The following CAPN3 variants were observed in gnomAD, a reference collection of about 807,000 sequenced individuals.
The protein encoded by CAPN3 is calpain-3.
CAPN3 carries 88 observed loss-of-function variants against 114.0 expected under a neutral mutation model. The ratio of observed to expected loss-of-function variants is 0.77; its 90% CI spans 0.65 to 0.92. The LOEUF (loss-of-function observed/expected upper bound fraction) is 0.92. Ranked by LOEUF, CAPN3 falls within the 40% of genes least tolerant of loss-of-function variation. The pLI, the probability that CAPN3 is intolerant of heterozygous loss-of-function variation, is 0.00. For missense variants in CAPN3, 1,028 were observed against 1,069.0 expected, an observed-to-expected ratio of 0.96 and a Z score of 0.53; for synonymous variants, 386 against 382.9, an observed-to-expected ratio of 1.01 and a Z score of -0.09.
chr15:42,401,997 G>A (rs1421812983), intron 11 of CAPN3, 127 bp from the exon 12 acceptor site: 12 of 1,364,046 alleles, frequency 8.8e-6, no homozygotes, highest in South Asian at 5.8e-5. Flanking sequence ...GCAGTGGAGC[G>A]GGCCTGGCAG....
At position 42,404,036 on chromosome 15, in the gene CAPN3, C is replaced by G. The variant is rs1436036348; in HGVS notation, c.1782+259C>G. On this transcript the variant is annotated intron_variant, in intron 14 of 23. Transcript: ENST00000397163. ...TCCTGGAAAGGAGAAGCAATTTGAA[C>G]AATCGGAGGGAACAAGGCCACAGGA... 1.2e-5 allele frequency: 7 copies of G among 589,408 alleles called. No individual in the cohort carries two copies. In the Admixed American group the frequency reaches 1.5e-4, roughly 13 times the overall value. 36.5% of individuals were successfully genotyped at this position (589,408 alleles called of 1,614,324 possible).
At chr15:42,378,712 T>C (rs2053157897) in intron 1 of CAPN3, among the ~76,000 whole-genome samples, 1 of 152,108 alleles carries the variant, frequency 6.6e-6, no homozygotes, top group Non-Finnish European at 1.5e-5. Context: ...TCTTCTATAG[T>C]GTACTAAGAT....
intron 1 of CAPN3, among the ~76,000 whole-genome samples, chr15:42,367,402 C>T (rs972863885): frequency 8.5e-5 from 13 of 152,200 alleles, no homozygotes; most frequent in African/African-American, 2.7e-4. Context: ...TCAGCTAACA[C>T]TGGGTGGCAT....
In CAPN3 at chr15:42,409,996, G is replaced by A. The variant is rs766917640; in HGVS notation, c.2115+1G>A. On this transcript the variant is annotated splice_donor_variant, in intron 19 of 23. Coordinates refer to ENST00000397163, the MANE Select transcript of CAPN3 (RefSeq NM_000070.3). LOFTEE classifies it high-confidence loss of function. The stretch of plus-strand genomic sequence containing the variant: ...CCGTAGCATGATTGCGCTCATGGAT[G>A]TATCCTTCCTGCCGCCCCTTCCCGA... 11 of 1,611,742 alleles carry A rather than the reference G, an allele frequency of 6.8e-6. No homozygotes were observed. The highest frequency in any genetic ancestry group is 1.7e-5 in the Admixed American group (1 of 60,012).
intron 1 of CAPN3, among the ~76,000 whole-genome samples, chr15:42,371,133 C>T (rs1049224426): frequency 2.0e-5 from 3 of 152,002 alleles, no homozygotes; most frequent in African/African-American, 7.3e-5. Flanking sequence ...AAAGACAAAA[C>T]GAGGTACCCA....
intron 12 of CAPN3, 53 bp from the exon 13 acceptor site, chr15:42,402,741 C>T (rs752334801): frequency 1.3e-6 from 2 of 1,590,426 alleles, no homozygotes; most frequent in Middle Eastern, 1.7e-4. Context: ...TGTGGCAGGA[C>T]AGGATGTTCC....
At chr15:42,403,893 T>A in intron 14 of CAPN3, 116 bp downstream of exon 14, 1 of 956,664 alleles carries the variant, frequency 1.0e-6, no homozygotes, top group Non-Finnish European at 1.7e-6. Flanking sequence ...GAGTCTGGGC[T>A]GTGCTGAGCA....
intron 1 of CAPN3, among the ~76,000 whole-genome samples, chr15:42,381,647 C>G (rs1276415725): frequency 6.6e-6 from 1 of 152,176 alleles, no homozygotes; most frequent in Non-Finnish European, 1.5e-5. Context: ...TCAAGCAATT[C>G]TCCTGCCTCA....
chr15:42,405,893 A>G, intron 14 of CAPN3, 33 bp from the exon 15 acceptor site: 1 of 1,593,510 alleles, frequency 6.3e-7, no homozygotes, highest in Non-Finnish European at 8.6e-7. Context: ...CTTTTCACTT[A>G]TTCTGCATTT....
In CAPN3 at chr15:42,402,858, G is replaced by A. The variant is rs1253648259; in HGVS notation, c.1601G>A (p.Ser534Asn). Residue 534 changes from serine (S) to asparagine (N), a missense_variant, in exon 13 of 24, where the codon AGC becomes AAC. By Grantham distance (46) the Ser-to-Asn change is conservative. Transcript: ENST00000397163. ...FFLYNASKARSKTYINMREVS... is the reference protein window; with the variant it reads ...FFLYNASKARNKTYINMREVS... Reference sequence around the variant, plus strand: ...CTGTACAACGCCTCCAAGGCCAGGAGCAAAACCTACATCAACATGCGGGAG... The same window carrying A: ...CTGTACAACGCCTCCAAGGCCAGGAACAAAACCTACATCAACATGCGGGAG... 1.2e-6 allele frequency: 2 copies of A among 1,614,218 alleles called. No homozygotes were observed. The highest frequency in any genetic ancestry group is 3.3e-5 in the Admixed American group (2 of 60,026).
chr15:42,359,837 C>T lies in CAPN3; in HGVS notation c.32C>T (p.Pro11Leu). Residue 11 changes from proline (P) to leucine (L), a missense_variant, in exon 1 of 24, where the codon CCA becomes CTA. Transcript: ENST00000397163. MPTVISASVAPRTAAEPRSPG... is the reference protein window; with the variant it reads MPTVISASVALRTAAEPRSPG... ...ACCGTCATTAGCGCATCTGTGGCTCCAAGGACAGCGGCTGAGCCCCGGTCC... is the reference window on the plus strand; with the variant it reads ...ACCGTCATTAGCGCATCTGTGGCTCTAAGGACAGCGGCTGAGCCCCGGTCC... 6.2e-7 allele frequency: 1 copy of T among 1,614,028 alleles called. No homozygotes were observed. Among genetic ancestry groups the T allele is most frequent in the Non-Finnish European group, 8.5e-7 (1 of 1,180,036 alleles).
intron 1 of CAPN3, among the ~76,000 whole-genome samples, chr15:42,361,758 C>CCCATGTCCAT (rs1245170495): frequency 6.6e-6 from 1 of 152,202 alleles, no homozygotes; most frequent in Non-Finnish European, 1.5e-5. Flanking sequence ...CCTGTCCAGG[C>CCCATGTCCAT]CCATGTCCAT....
At chr15:42,377,930 G>A (rs1210566437) in intron 1 of CAPN3, among the ~76,000 whole-genome samples, 1 of 152,178 alleles carries the variant, frequency 6.6e-6, no homozygotes, top group Non-Finnish European at 1.5e-5. Flanking sequence ...AGTTTCACCT[G>A]TTATCAAATT....
chr15:42,410,137 T>C, intron 19 of CAPN3, 142 bp downstream of exon 19: 1 of 818,728 alleles, frequency 1.2e-6, no homozygotes. Context: ...ACATCTTGGA[T>C]ACTCGTCTGA....
At chr15:42,406,783 A>G (rs527550807) in intron 15 of CAPN3, among the ~76,000 whole-genome samples, 1 of 152,168 alleles carries the variant, frequency 6.6e-6, no homozygotes, top group East Asian at 1.9e-4. Context: ...TGGCCACACC[A>G]TATCCATCCT....
intron 1 of CAPN3, among the ~76,000 whole-genome samples, chr15:42,371,271 C>T (rs1027457302): frequency 8.6e-5 from 13 of 151,986 alleles, no homozygotes; most frequent in Non-Finnish European, 2.9e-5. Flanking sequence ...TTAGGAGCAA[C>T]TTCTATTATA....
chr15:42,410,335 A>G, intron 19 of CAPN3, 93 bp from the exon 20 acceptor site: 1 of 1,078,818 alleles, frequency 9.3e-7, no homozygotes, highest in Non-Finnish European at 1.4e-6. Context: ...ACAACAGGGC[A>G]GTGGGTAGGA....
intron 9 of CAPN3, among the ~76,000 whole-genome samples, chr15:42,398,710 T>C (rs188369193): frequency 0.011 from 1,533 of 141,182 alleles, 33 homozygotes; most frequent in African/African-American, 0.043. Flanking sequence ...TGTGTATATA[T>C]ACACACACAC....
chr15:42,364,948 T>C (rs2052740828), intron 1 of CAPN3, among the ~76,000 whole-genome samples: 1 of 152,186 alleles, frequency 6.6e-6, no homozygotes, highest in African/African-American at 2.4e-5. Flanking sequence ...GACCTTGTGA[T>C]GAAAAGGTAT....
Sources: gnomAD v4.1 joint callset for allele counts (sites outside exome capture counted in the v4.1 genomes callset) on GRCh38, gnomAD v4.1.1 for gene constraint, MANE v1.5 for transcripts, NCBI Gene and HGNC (gene_info 2026-07-23, HGNC 2026-07-21) for gene names.